BABAM2: variants seen among roughly 807,000 people sequenced by gnomAD.
BABAM2 encodes BRISC and BRCA1-A complex member 2.
Under a neutral mutation model 54.7 loss-of-function variants are expected in BABAM2, and 31 were observed. The observed-to-expected ratio is 0.57, with a 90% CI of 0.43 to 0.77. The LOEUF is 0.77. Among genes scored for constraint, BABAM2 ranks in the 30% least tolerant of loss-of-function variants. The probability of loss-of-function intolerance (pLI) is 0.00; values close to 1 mark genes in which losing one functional copy is unlikely to be tolerated. For synonymous variants in BABAM2, 167 were observed against 162.9 expected, an observed-to-expected ratio of 1.03 and a Z score of -0.19; for missense variants, 364 against 455.8, an observed-to-expected ratio of 0.80 and a Z score of 1.83.
intron 11 of BABAM2, among the ~76,000 whole-genome samples, chr2:28,299,896 C>T (rs889296150): frequency 2.0e-5 from 3 of 152,054 alleles, no homozygotes; most frequent in Non-Finnish European, 1.5e-5. Context: ...TTCTGTAGTA[C>T]AAGACTTTCA....
At chr2:28,307,403 G>T (rs1191075983) in intron 11 of BABAM2, among the ~76,000 whole-genome samples, 19 of 142,472 alleles carry the variant, frequency 1.3e-4, no homozygotes, top group African/African-American at 4.4e-4. Flanking sequence ...TTTGGTTTGG[G>T]TTTTTTTTTT....
Position 28,055,467 on chromosome 2 carries a change from A to T in BABAM2, c.570+9668A>T, listed in dbSNP as rs527460569. Among the ~76,000 whole-genome samples the T allele has an allele frequency of 5.5e-4, 84 of 152,344 alleles. 2 individuals are homozygous for T. Among genetic ancestry groups the T allele is most frequent in the African/African-American group, 1.9e-3 (81 of 41,590 alleles). Reference sequence around the variant, plus strand: ...TTGAAATTATGACAGAGTTATGTTTACTACTTAATTTTTCCTCTCTTCTGA... The same window carrying T: ...TTGAAATTATGACAGAGTTATGTTTTCTACTTAATTTTTCCTCTCTTCTGA... On this transcript the variant is annotated intron_variant, in intron 6 of 11. Coordinates refer to ENST00000379624, the MANE Select transcript of BABAM2 (RefSeq NM_199191.3).
At chr2:27,931,371 T>C (rs143355482) in intron 3 of BABAM2, among the ~76,000 whole-genome samples, 2,516 of 152,328 alleles carry the variant, frequency 0.017, 232 homozygotes, top group Admixed American at 0.15. Context: ...TTGCAGATTC[T>C]AAAAATTTTC....
At chr2:27,890,397 G>T, upstream of BABAM2, 2 of 1,546,390 alleles carry the variant, frequency 1.3e-6, no homozygotes, top group South Asian at 2.3e-5. The surrounding 1 kb of genome is among the most constrained non-coding windows in gnomAD (Gnocchi z 4.8). Flanking sequence ...CCCTTTGCCC[G>T]ACCCCGTAAC....
rs13408998 is a variant in BABAM2, at chr2:28,272,697, A to G, written c.935-25641A>G. ...CTGTCCCATCCCAGAGGTACAGGAT[A>G]ATGCAAGATGGTCCCTGCTGTCAAG... On this transcript the variant is annotated intron_variant, in intron 10 of 11. Transcript: ENST00000379624. Among the ~76,000 whole-genome samples, 1,209 of 152,332 alleles carry G rather than the reference A, an allele frequency of 7.9e-3. 21 individuals carry two copies. The highest frequency in any genetic ancestry group is 0.027 in the African/African-American group (1,139 of 41,578).
intron 11 of BABAM2, among the ~76,000 whole-genome samples, chr2:28,299,490 C>T (rs1687945497): frequency 6.6e-6 from 1 of 152,158 alleles, no homozygotes; most frequent in Non-Finnish European, 1.5e-5. Flanking sequence ...TCATATGCTT[C>T]ACACCTGTGA....
intron 11 of BABAM2, among the ~76,000 whole-genome samples, chr2:28,334,888 A>T (rs537168188): frequency 6.6e-6 from 1 of 152,170 alleles, no homozygotes; most frequent in African/African-American, 2.4e-5. Context: ...GCTCTGTCAC[A>T]CCACAGCACC....
At chr2:28,215,664 AT>A (rs34520021) in intron 7 of BABAM2, among the ~76,000 whole-genome samples, 148,929 of 152,196 alleles carry the variant, frequency 0.98, 72,949 homozygotes, top group Middle Eastern at 1. Flanking sequence ...TTTGTCATTT[AT>A]TTTTCTCTTT....
Position 28,065,499 on chromosome 2 carries a change from G to A in BABAM2, c.570+19700G>A, listed in dbSNP as rs184650156. On this transcript the variant is annotated intron_variant, in intron 6 of 11. Transcript: ENST00000379624. ...TAAGCCTGAATAGTCTGGGATGAGG[G>A]AAAGGAAACTACATCCATCCACACA... Among the ~76,000 whole-genome samples the A allele has an allele frequency of 5.4e-3, 819 of 152,202 alleles. 5 individuals are homozygous for A. Among genetic ancestry groups the A allele is most frequent in the Non-Finnish European group, 8.8e-3 (598 of 68,004 alleles).
rs1216250409 is a variant in BABAM2, at chr2:28,173,861, A to G, written c.680+44481A>G. Among the ~76,000 whole-genome samples, 3 of 152,228 alleles carry G rather than the reference A, an allele frequency of 2.0e-5. No homozygotes were observed. The East Asian group carries it at 5.8e-4, about 29-fold the overall frequency. On this transcript the variant is annotated intron_variant, in intron 7 of 11. Transcript: ENST00000379624. ...ATTCAATAGTACAGGTTGGTACATG[A>G]CCTTTGAGTTTTCAAACCTTGGATA...
intron 6 of BABAM2, among the ~76,000 whole-genome samples, chr2:28,113,079 T>C (rs1208103993): frequency 2.6e-5 from 4 of 152,202 alleles, no homozygotes; most frequent in Non-Finnish European, 5.9e-5. Context: ...TTTGTTTGAG[T>C]TCCTTGTAGA....
At chr2:28,132,048 G>C (rs1189099023) in intron 7 of BABAM2, among the ~76,000 whole-genome samples, 1 of 151,950 alleles carries the variant, frequency 6.6e-6, no homozygotes, top group Non-Finnish European at 1.5e-5. Flanking sequence ...TGTGGGAAAT[G>C]ATTAGGGAAG....
intron 3 of BABAM2, among the ~76,000 whole-genome samples, chr2:27,980,560 G>A (rs1242214353): frequency 6.6e-6 from 1 of 152,194 alleles, no homozygotes; most frequent in African/African-American, 2.4e-5. Context: ...TTGAGGCAAA[G>A]TGTTTCACAG....
At chr2:28,125,752 A>G (rs977827626) in intron 6 of BABAM2, among the ~76,000 whole-genome samples, 2 of 152,244 alleles carry the variant, frequency 1.3e-5, no homozygotes, top group African/African-American at 2.4e-5. Context: ...TGAGACAAGC[A>G]TACACACACA....
Position 28,269,919 on chromosome 2 carries a change from T to C in BABAM2, c.934+25057T>C, listed in dbSNP as rs554591499. Among the ~76,000 whole-genome samples the C allele has an allele frequency of 1.5e-3, 234 of 152,236 alleles. 3 individuals carry two copies. Among genetic ancestry groups the C allele is most frequent in the Non-Finnish European group, 2.7e-3 (186 of 68,016 alleles). On this transcript the variant is annotated intron_variant, in intron 10 of 11. Coordinates refer to ENST00000379624, the MANE Select transcript of BABAM2 (RefSeq NM_199191.3). ...GTATTTGACTGATAGTACTTAGTAG[T>C]ACTTGGCCAACTATACATATTAGGA...
intron 7 of BABAM2, among the ~76,000 whole-genome samples, chr2:28,228,069 G>C (rs983691025): frequency 6.6e-6 from 1 of 152,140 alleles, no homozygotes; most frequent in African/African-American, 2.4e-5. Flanking sequence ...GTTGACACTT[G>C]CTACCTGTTT....
intron 7 of BABAM2, among the ~76,000 whole-genome samples, chr2:28,191,395 G>A (rs1366999029): frequency 1.3e-5 from 2 of 151,974 alleles, no homozygotes; most frequent in Non-Finnish European, 2.9e-5. Context: ...GCAGGTACTT[G>A]GTCAAGAGAA....
At chr2:28,336,308 G>A (rs1297572358) in intron 11 of BABAM2, among the ~76,000 whole-genome samples, 1 of 152,222 alleles carries the variant, frequency 6.6e-6, no homozygotes, top group Non-Finnish European at 1.5e-5. Flanking sequence ...GAAGGAAACT[G>A]AAGGTTCTGT....
intron 7 of BABAM2, among the ~76,000 whole-genome samples, chr2:28,183,572 A>G (rs1319062582): frequency 6.6e-6 from 1 of 152,180 alleles, no homozygotes; most frequent in Non-Finnish European, 1.5e-5. Context: ...TTTACAAAAA[A>G]CAACATTCTC....
Sources: gnomAD v4.1 joint callset for allele counts (sites outside exome capture counted in the v4.1 genomes callset) on GRCh38, gnomAD v4.1.1 for gene constraint, Gnocchi (gnomAD v3.1) non-coding constraint, MANE v1.5 for transcripts, NCBI Gene and HGNC (gene_info 2026-07-23, HGNC 2026-07-21) for gene names.